Variants in EFNA2 observed in about 807,000 individuals in gnomAD.
The protein encoded by EFNA2 is ephrin A2, also known as ephrin-A2.
A neutral mutation model predicts 19.7 loss-of-function variants in EFNA2; 18 were observed. The observed-to-expected ratio is 0.91, with a 90% CI of 0.63 to 1.35. EFNA2 has a LOEUF of 1.35. Ranked by LOEUF, EFNA2 falls within the 40% of genes most tolerant of loss-of-function variation. The probability of loss-of-function intolerance (pLI) is 0.00; values close to 1 mark genes in which losing one functional copy is unlikely to be tolerated. For synonymous variants in EFNA2, 187 were observed against 137.8 expected (o/e 1.36, Z -2.50); for missense variants, 303 against 296.0 (o/e 1.02, Z -0.17).
At position 1,300,169 on chromosome 19, in the gene EFNA2, CCGGGGTGTGGAT is replaced by C. The variant is rs1165507029; in HGVS notation, c.*225_*236del. ...AGCCCCCCCCCGGAGGCCCGAGGGG[CCGGGGTGTGGAT>C]GCGGACCGTGGCCAGGCCATCTCCT... is the stretch of plus-strand genomic sequence containing the variant. On this transcript the variant is annotated 3_prime_UTR_variant, in exon 4 of 4. Transcript: ENST00000215368. 8.9e-6 allele frequency: 4 copies of C among 450,458 alleles called. No homozygotes were observed. The highest frequency in any genetic ancestry group is 1.1e-5 in the Non-Finnish European group (3 of 272,874). 27.9% of individuals were successfully genotyped at this position (450,458 alleles called of 1,614,324 possible). A position where few individuals can be genotyped will look rare whatever the true frequency, so the allele number is the denominator to read the frequency against.
In EFNA2 at chr19:1,287,410, T is replaced by C. The variant is rs1224927959; in HGVS notation, c.140+1102T>C. ...CCCCCACTCTTCTGCTACTGGTCACTTTCTCTCCGTTTTCCAGCCGCTTCC... is the reference window on the plus strand; with the variant it reads ...CCCCCACTCTTCTGCTACTGGTCACCTTCTCTCCGTTTTCCAGCCGCTTCC... On this transcript the variant is annotated intron_variant, in intron 1 of 3. Coordinates refer to ENST00000215368, the MANE Select transcript of EFNA2 (RefSeq NM_001405.4). This position sits in a 1 kb window ranked among gnomAD's most constrained non-coding sequence, Gnocchi z 6.2. 6.6e-6 allele frequency among the ~76,000 whole-genome samples: 1 copy of C among 151,984 alleles called. No homozygotes were observed. Among genetic ancestry groups the C allele is most frequent in the African/African-American group, 2.4e-5 (1 of 41,370 alleles).
rs961504586 is a variant in EFNA2 at position 1,287,302 on chromosome 19, G to A, written c.140+994G>A. Among the ~76,000 whole-genome samples the A allele has an allele frequency of 1.3e-5, 2 of 152,150 alleles. No homozygotes were observed. Among genetic ancestry groups the A allele is most frequent in the South Asian group, 2.1e-4 (1 of 4,828 alleles). On this transcript the variant is annotated intron_variant, in intron 1 of 3. Coordinates refer to ENST00000215368, the MANE Select transcript of EFNA2 (RefSeq NM_001405.4). The surrounding 1 kb of genome is among the most constrained non-coding windows in gnomAD (Gnocchi z 6.2). ...CGGGGCTTTGGGGGTCCTGGGGCTC[G>A]GGAGGGAGTCAGCCCCAGCACTCAG...
At chr19:1,285,704 C>T (rs955170986), upstream of EFNA2, among the ~76,000 whole-genome samples, 1 of 151,084 alleles carries the variant, frequency 6.6e-6, no homozygotes, top group African/African-American at 2.4e-5. The surrounding 1 kb of genome is among the most constrained non-coding windows in gnomAD (Gnocchi z 4.1). Flanking sequence ...GCGGGGGGCG[C>T]GCAGAATCGG....
rs1989952 is a variant in EFNA2, at chr19:1,293,357, C to T, written c.141-2188C>T. Among the ~76,000 whole-genome samples, 598 of 152,330 alleles carry T rather than the reference C, an allele frequency of 3.9e-3. 10 individuals are homozygous for T. Among genetic ancestry groups the T allele is most frequent in the Admixed American group, 0.03 (456 of 15,310 alleles). ...GGTCAATGAGATGCCTGTGCCCGGC[C>T]GGCCAATGGGGCAGCCTGAGGGGTG... On this transcript the variant is annotated intron_variant, in intron 1 of 3. Coordinates refer to ENST00000215368, the MANE Select transcript of EFNA2 (RefSeq NM_001405.4).
At chr19:1,288,453 A>G (rs2081476233) in intron 1 of EFNA2, among the ~76,000 whole-genome samples, 1 of 151,086 alleles carries the variant, frequency 6.6e-6, no homozygotes, top group African/African-American at 2.4e-5. Context: ...CCGGGGAGGG[A>G]TGATGGGGTC....
chr19:1,290,352 C>T (rs576638314), intron 1 of EFNA2, among the ~76,000 whole-genome samples: 31 of 152,300 alleles, frequency 2.0e-4, no homozygotes, highest in African/African-American at 6.7e-4. Flanking sequence ...CCAGGCCTTC[C>T]GCCTCCACTG....
In EFNA2 at chr19:1,291,010, C is replaced by A. The variant is rs75854337; in HGVS notation, c.141-4535C>A. On this transcript the variant is annotated intron_variant, in intron 1 of 3. Transcript: ENST00000215368. ...CTCTGTGCGCCCCTTGTCCACCTGC[C>A]CTGTGGGTCAGGGGCCCCCAATTCA... 6.3e-3 allele frequency among the ~76,000 whole-genome samples: 961 copies of A among 152,302 alleles called. 13 individuals are homozygous for A. Among genetic ancestry groups the A allele is most frequent in the African/African-American group, 0.022 (918 of 41,556 alleles).
rs2081461404 is a variant in EFNA2, at chr19:1,285,944, T to C, written c.-225T>C. Among the ~76,000 whole-genome samples the C allele has an allele frequency of 7.0e-6, 1 of 143,526 alleles. No homozygotes were observed. The highest frequency in any genetic ancestry group is 6.9e-5 in the Admixed American group (1 of 14,526). The allele number at this position is 143,526 out of a possible 152,430, so 94.2% of individuals were successfully genotyped here. The stretch of plus-strand genomic sequence containing the variant: ...TCCGACAGTCCGCGCGGCCGGGTCC[T>C]GCGCCCGGGGCGACCCCGGCGCCCC... On this transcript the variant is annotated 5_prime_UTR_variant, in exon 1 of 4. Coordinates refer to ENST00000215368, the MANE Select transcript of EFNA2 (RefSeq NM_001405.4). This position sits in a 1 kb window ranked among gnomAD's most constrained non-coding sequence, Gnocchi z 4.1.
intron 1 of EFNA2, among the ~76,000 whole-genome samples, chr19:1,292,930 A>C (rs973619459): frequency 6.6e-6 from 1 of 152,210 alleles, no homozygotes; most frequent in Non-Finnish European, 1.5e-5. Context: ...CAGTGGTGTC[A>C]GACGTGGGGG....
rs202112776 is a variant in EFNA2, at chr19:1,295,496, C to T, written c.141-49C>T. Reference sequence around the variant, plus strand: ...CCCTCCCCGCGCACCCCGACCCGTGCCCCGTTCCTCGCTCCGGGCGCTGAC... The same window carrying T: ...CCCTCCCCGCGCACCCCGACCCGTGTCCCGTTCCTCGCTCCGGGCGCTGAC... On this transcript the variant is annotated intron_variant, in intron 1 of 3. Coordinates refer to ENST00000215368, the MANE Select transcript of EFNA2 (RefSeq NM_001405.4). The surrounding 1 kb of genome is among the most constrained non-coding windows in gnomAD (Gnocchi z 5.8). The T allele has an allele frequency of 7.1e-4, 1,049 of 1,483,076 alleles. 8 individuals are homozygous for T. In the African/African-American group the frequency reaches 0.014, roughly 19 times the overall value. 91.9% of individuals were successfully genotyped at this position (1,483,076 alleles called of 1,614,324 possible).
chr19:1,293,790 T>A (rs2081502217), intron 1 of EFNA2, among the ~76,000 whole-genome samples: 1 of 152,176 alleles, frequency 6.6e-6, no homozygotes, highest in African/African-American at 2.4e-5. Flanking sequence ...GCTCTGGAGA[T>A]CTTCATGCCG....
chr19:1,295,872 G>A lies in EFNA2; in HGVS notation c.454+14G>A. ...ATTACTACATCTGTGAGTGGGGTCGGGCCGGGGCTGCCGGGGCCCGAGTGG... is the reference window on the plus strand; with the variant it reads ...ATTACTACATCTGTGAGTGGGGTCGAGCCGGGGCTGCCGGGGCCCGAGTGG... On this transcript the variant is annotated intron_variant, in intron 2 of 3. Transcript: ENST00000215368. The surrounding 1 kb of genome is among the most constrained non-coding windows in gnomAD (Gnocchi z 5.8). The A allele has an allele frequency of 1.9e-6, 3 of 1,565,580 alleles. No individual in the cohort carries two copies. The highest frequency in any genetic ancestry group is 2.6e-6 in the Non-Finnish European group (3 of 1,163,588).
At chr19:1,293,467 C>A (rs939378715) in intron 1 of EFNA2, among the ~76,000 whole-genome samples, 1 of 149,984 alleles carries the variant, frequency 6.7e-6, no homozygotes, top group African/African-American at 2.4e-5. Context: ...GTCCAACAGC[C>A]GGGAGGACCA....
chr19:1,292,344 C>G (rs1040155314), intron 1 of EFNA2, among the ~76,000 whole-genome samples: 7 of 152,378 alleles, frequency 4.6e-5, no homozygotes, highest in Non-Finnish European at 8.8e-5. Flanking sequence ...CCCTCCAACA[C>G]ACACACCTGT....
Position 1,295,661 on chromosome 19 carries a change from T to G in EFNA2, c.257T>G (p.Met86Arg). Residue 86 changes from methionine (M) to arginine (R), a missense_variant, in exon 2 of 4, where the codon ATG (methionine) becomes AGG (arginine). Met to Arg is a moderately conservative substitution (Grantham distance 91, BLOSUM62 -1). Transcript: ENST00000215368. This position sits in a 1 kb window ranked among gnomAD's most constrained non-coding sequence, Gnocchi z 5.8. ...YGAPLPPAERMEHYVLYMVNG... is the reference protein window; with the variant it reads ...YGAPLPPAERREHYVLYMVNG... ...GCGCCGCTGCCGCCGGCCGAGCGCA[T>G]GGAGCACTACGTGCTGTACATGGTC... The G allele has an allele frequency of 4.3e-6, 7 of 1,611,714 alleles. No homozygotes were observed. The highest frequency in any genetic ancestry group is 5.9e-6 in the Non-Finnish European group (7 of 1,179,406).
At chr19:1,284,243 C>T (rs893031370), upstream of EFNA2, among the ~76,000 whole-genome samples, 6 of 152,236 alleles carry the variant, frequency 3.9e-5, no homozygotes, top group African/African-American at 1.2e-4. The surrounding 1 kb of genome is among the most constrained non-coding windows in gnomAD (Gnocchi z 5.3). Flanking sequence ...ACCCAAGGCC[C>T]TCACTCCAGG....
chr19:1,285,763 G>A (rs1380668451), upstream of EFNA2, among the ~76,000 whole-genome samples: 1 of 150,156 alleles, frequency 6.7e-6, no homozygotes, highest in African/African-American at 2.4e-5. This position sits in a 1 kb window ranked among gnomAD's most constrained non-coding sequence, Gnocchi z 4.1. Flanking sequence ...GGGGTGGGCC[G>A]GGGCAGGGGG....
At chr19:1,298,523 C>T in intron 2 of EFNA2, 28 bp from the exon 3 acceptor site, 1 of 1,611,994 alleles carries the variant, frequency 6.2e-7, no homozygotes, top group Non-Finnish European at 8.5e-7. Flanking sequence ...AGGCACTTCC[C>T]CACTCATCCC....
At chr19:1,289,711 C>A (rs1334149479) in intron 1 of EFNA2, among the ~76,000 whole-genome samples, 5 of 152,190 alleles carry the variant, frequency 3.3e-5, no homozygotes, top group Non-Finnish European at 7.4e-5. Flanking sequence ...TGGGCAGCAG[C>A]CGGGTTCCCC....
Sources: gnomAD v4.1 joint callset for allele counts (sites outside exome capture counted in the v4.1 genomes callset) on GRCh38, gnomAD v4.1.1 for gene constraint, Gnocchi (gnomAD v3.1) non-coding constraint, MANE v1.5 for transcripts, NCBI Gene and HGNC (gene_info 2026-07-23, HGNC 2026-07-21) for gene names.